The following EHMT1 variants were observed in gnomAD, a reference collection of about 807,000 sequenced individuals.
EHMT1 encodes the protein histone-lysine N-methyltransferase EHMT1.
A neutral mutation model predicts 147.2 loss-of-function variants in EHMT1; 15 were observed. That is an observed-to-expected ratio of 0.10 (90% CI 0.07 to 0.16). The LOEUF (loss-of-function observed/expected upper bound fraction) is 0.16, where lower values mean the gene tolerates loss of function less well. Ranked by LOEUF, EHMT1 falls within the 10% of genes least tolerant of loss-of-function variation. EHMT1 has a pLI of 1.00. For synonymous variants in EHMT1, 795 were observed against 709.6 expected, an observed-to-expected ratio of 1.12 and a Z score of -1.91; for missense variants, 1,587 against 1,772.4, an observed-to-expected ratio of 0.90 and a Z score of 1.88.
chr9:137,706,207 C>T (rs1301245848), intron 1 of EHMT1, among the ~76,000 whole-genome samples: 2 of 152,168 alleles, frequency 1.3e-5, no homozygotes, highest in East Asian at 1.9e-4. Context: ...TAGGTTGGGG[C>T]TCCTGAGGGA....
chr9:137,715,666 G>C (rs749919561), intron 2 of EHMT1: 1 of 985,436 alleles, frequency 1.0e-6, no homozygotes, highest in Non-Finnish European at 1.2e-6. Flanking sequence ...ATGTAAAATA[G>C]TGTCTCCTTG....
Position 137,752,317 on chromosome 9 carries a change from G to T in EHMT1, c.1171-14G>T, listed in dbSNP as rs549814854. On this transcript the variant is annotated splice_polypyrimidine_tract_variant and intron_variant, in intron 6 of 26. Transcript: ENST00000460843. Reference sequence around the variant, plus strand: ...TTCTGTTTGGGTTCCCGCTTCGACTGTGTGGCTGATCAGATGGACGGGGAG... The same window carrying T: ...TTCTGTTTGGGTTCCCGCTTCGACTTTGTGGCTGATCAGATGGACGGGGAG... The T allele has an allele frequency of 5.0e-6, 8 of 1,613,984 alleles. No homozygotes were observed. The African/African-American group carries it at 9.3e-5, about 19-fold the overall frequency.
chr9:137,635,768 T>C (rs149804771), intron 1 of EHMT1, among the ~76,000 whole-genome samples: 9,436 of 150,978 alleles, frequency 0.062, 437 homozygotes, highest in Non-Finnish European at 0.1. Flanking sequence ...TGCAGTGAGC[T>C]GAGATGGTGC....
intron 13 of EHMT1, among the ~76,000 whole-genome samples, chr9:137,778,355 G>C (rs542978953): frequency 6.6e-6 from 1 of 152,372 alleles, no homozygotes; most frequent in South Asian, 2.1e-4. Flanking sequence ...CATGAGAGCA[G>C]ACACTGCTTC....
intron 1 of EHMT1, among the ~76,000 whole-genome samples, chr9:137,640,587 T>C (rs951565528): frequency 1.1e-4 from 17 of 152,230 alleles, no homozygotes; most frequent in African/African-American, 4.1e-4. Context: ...TGAAATTTTC[T>C]TTTTTTAATC....
At chr9:137,713,414 C>CA (rs1944924042) in intron 2 of EHMT1, among the ~76,000 whole-genome samples, 1 of 151,706 alleles carries the variant, frequency 6.6e-6, no homozygotes. Context: ...GGAATACAGG[C>CA]ACCTGCCACC....
At chr9:137,634,868 A>ATTTTTTTT (rs781056803) in intron 1 of EHMT1, among the ~76,000 whole-genome samples, 173 of 92,064 alleles carry the variant, frequency 1.9e-3, no homozygotes, top group African/African-American at 3.1e-3. Context: ...TGCCCAGCTA[A>ATTTTTTTT]TTTTTTTTTT....
intron 1 of EHMT1, among the ~76,000 whole-genome samples, chr9:137,698,937 T>A (rs1041949516): frequency 4.8e-5 from 7 of 146,920 alleles, no homozygotes; most frequent in South Asian, 2.1e-4. Context: ...ATTGTTTATT[T>A]AAAAAAAAAA....
chr9:137,835,716 C>A lies in EHMT1; in HGVS notation c.*763C>A, dbSNP rs1166595746. On this transcript the variant is annotated 3_prime_UTR_variant, in exon 27 of 27. Coordinates refer to ENST00000460843, the MANE Select transcript of EHMT1 (RefSeq NM_024757.5). ...CCATTACTGAACATTAGGACAAACA[C>A]AAAATAAAAAACAAAACACAGACAA... 6.6e-6 allele frequency: 1 copy of A among 152,554 alleles called. No individual in the cohort carries two copies. The highest frequency in any genetic ancestry group is 2.4e-5 in the African/African-American group (1 of 41,438). The allele number at this position is 152,554 out of a possible 1,614,324, so 9.5% of individuals were successfully genotyped here. A position where few individuals can be genotyped will look rare whatever the true frequency, so the allele number is the denominator to read the frequency against.
intron 3 of EHMT1, among the ~76,000 whole-genome samples, chr9:137,725,075 C>T (rs1332575732): frequency 7.7e-6 from 1 of 130,188 alleles, no homozygotes; most frequent in Non-Finnish European, 1.6e-5. Flanking sequence ...ATTTGTGTGG[C>T]ATTCATGGGC....
intron 16 of EHMT1, among the ~76,000 whole-genome samples, chr9:137,798,557 C>T (rs567937396): frequency 3.9e-5 from 6 of 152,322 alleles, no homozygotes; most frequent in Admixed American, 2.6e-4. Flanking sequence ...CTGTGGTACA[C>T]GGACAACTAT....
At chr9:137,661,963 C>T (rs1004572095) in intron 1 of EHMT1, among the ~76,000 whole-genome samples, 2 of 151,906 alleles carry the variant, frequency 1.3e-5, no homozygotes, top group African/African-American at 4.8e-5. Context: ...CCACCATGCC[C>T]AGCTAATTTT....
At chr9:137,778,132 C>CT in intron 13 of EHMT1, 77 bp downstream of exon 13, 1 of 1,542,644 alleles carries the variant, frequency 6.5e-7, no homozygotes, top group Non-Finnish European at 8.9e-7. Context: ...CCCATGGTGT[C>CT]ACTTTAGCAC....
chr9:137,822,918 T>TTTG lies in EHMT1; in HGVS notation c.3540+4795_3540+4797dup, dbSNP rs944086302. On this transcript the variant is annotated intron_variant, in intron 25 of 26. Coordinates refer to ENST00000460843, the MANE Select transcript of EHMT1 (RefSeq NM_024757.5). ...TCGAAAAAAAAAAAAAAGCCTGTTT[T>TTTG]TTGTTGTTGTTGTTGTTTGTTTGTT... Among the ~76,000 whole-genome samples, 16 of 151,408 alleles carry TTTG rather than the reference T, an allele frequency of 1.1e-4. No homozygotes were observed. In the East Asian group the frequency reaches 1.2e-3, roughly 11 times the overall value.
rs781426172 is a variant in EHMT1 at position 137,816,009 on chromosome 9, C to T, written c.3321C>T (p.His1107=). The change falls in exon 23 of 27, where the codon CAC becomes CAT. Residue 1107 remains histidine, a synonymous_variant. Transcript: ENST00000460843. ...AEPPLIFECN[H]ACSCWRNCRN... is the part of the protein sequence containing the mutation. Reference sequence around the variant, plus strand: ...CTCCCTTGATCTTCGAATGCAACCACGCGTGCTCCTGCTGGAGGAACTGCC... The same window carrying T: ...CTCCCTTGATCTTCGAATGCAACCATGCGTGCTCCTGCTGGAGGAACTGCC... The T allele has an allele frequency of 1.4e-5, 22 of 1,613,052 alleles. 1 individual carries two copies. Among genetic ancestry groups the T allele is most frequent in the Admixed American group, 6.7e-5 (4 of 59,944 alleles).
intron 10 of EHMT1, among the ~76,000 whole-genome samples, chr9:137,771,197 C>CTTT (rs1189483493): frequency 5.8e-4 from 61 of 105,906 alleles, no homozygotes; most frequent in East Asian, 7.4e-4. Context: ...TCTTCCATGT[C>CTTT]TTTTTTTTTT....
At chr9:137,834,236 G>T in intron 25 of EHMT1, 113 bp from the exon 26 acceptor site, 1 of 1,383,866 alleles carries the variant, frequency 7.2e-7, no homozygotes, top group Non-Finnish European at 9.9e-7. Flanking sequence ...CTCCTGCATG[G>T]CGGGCCTGCG....
At chr9:137,683,319 A>T (rs1182127510) in intron 1 of EHMT1, among the ~76,000 whole-genome samples, 10 of 152,214 alleles carry the variant, frequency 6.6e-5, no homozygotes, top group Admixed American at 6.5e-4. Context: ...GCTAAATAGC[A>T]GTGAGAATTT....
At chr9:137,825,053 C>G (rs1038970921) in intron 25 of EHMT1, among the ~76,000 whole-genome samples, 1 of 152,178 alleles carries the variant, frequency 6.6e-6, no homozygotes, top group Non-Finnish European at 1.5e-5. Context: ...TGTAAATGCT[C>G]CCTGGGTTGT....
Sources: allele counts gnomAD v4.1 joint callset (sites outside exome capture counted in the v4.1 genomes callset), GRCh38; gene constraint gnomAD v4.1.1; transcripts MANE v1.5; gene names NCBI Gene and HGNC (gene_info 2026-07-23, HGNC 2026-07-21).